Variants in PARN observed in about 807,000 individuals in gnomAD.
PARN encodes poly(A)-specific ribonuclease.
A neutral mutation model predicts 102.8 loss-of-function variants in PARN; 71 were observed. The observed-to-expected ratio is 0.69, with a 90% CI of 0.57 to 0.84. PARN has a LOEUF of 0.84. Among genes scored for constraint, PARN ranks in the 40% least tolerant of loss-of-function variants. PARN has a pLI of 0.00. For synonymous variants in PARN, 261 were observed against 252.9 expected, an observed-to-expected ratio of 1.03 and a Z score of -0.30; for missense variants, 782 against 760.9, an observed-to-expected ratio of 1.03 and a Z score of -0.33.
intron 22 of PARN, among the ~76,000 whole-genome samples, chr16:14,473,053 G>A (rs980070359): frequency 6.6e-5 from 10 of 152,130 alleles, no homozygotes; most frequent in South Asian, 2.1e-4. Flanking sequence ...AGAAAGAGAC[G>A]GAAGGCAGAA....
intron 21 of PARN, among the ~76,000 whole-genome samples, chr16:14,505,999 A>G (rs1964876944): frequency 6.6e-6 from 1 of 152,212 alleles, no homozygotes; most frequent in Non-Finnish European, 1.5e-5. Context: ...CAATGGAAAA[A>G]TCTGTGACCA....
intron 22 of PARN, among the ~76,000 whole-genome samples, chr16:14,461,428 C>T (rs945127241): frequency 2.4e-4 from 37 of 152,142 alleles, no homozygotes; most frequent in African/African-American, 8.7e-4. Flanking sequence ...TCTTCTATGC[C>T]TGGGTGAACT....
At chr16:14,591,151 G>A (rs1009235465) in intron 13 of PARN, among the ~76,000 whole-genome samples, 4 of 152,212 alleles carry the variant, frequency 2.6e-5, no homozygotes, top group African/African-American at 7.2e-5. Flanking sequence ...AGCACTCTGG[G>A]AGGCCAAGGC....
intron 23 of PARN, among the ~76,000 whole-genome samples, chr16:14,438,549 C>T (rs1253255227): frequency 1.3e-5 from 2 of 151,492 alleles, no homozygotes; most frequent in Non-Finnish European, 2.9e-5. Flanking sequence ...TGGAGTAAGG[C>T]AAGTCAAGTT....
intron 18 of PARN, among the ~76,000 whole-genome samples, chr16:14,576,699 C>A (rs1969165685): frequency 6.6e-6 from 1 of 152,202 alleles, no homozygotes; most frequent in South Asian, 2.1e-4. Flanking sequence ...AAACAGAGTG[C>A]ATTCCACACA....
chr16:14,511,823 C>G (rs1027395710), intron 21 of PARN, among the ~76,000 whole-genome samples: 1 of 152,160 alleles, frequency 6.6e-6, no homozygotes, highest in Non-Finnish European at 1.5e-5. Context: ...GCCTCAGCCT[C>G]CCAAGTAGCT....
intron 21 of PARN, among the ~76,000 whole-genome samples, chr16:14,529,148 T>C (rs756746186): frequency 2.0e-5 from 3 of 152,158 alleles, no homozygotes; most frequent in Non-Finnish European, 2.9e-5. Flanking sequence ...TCTGCCAGGC[T>C]TCTCCAGCTC....
intron 18 of PARN, among the ~76,000 whole-genome samples, chr16:14,569,223 A>AT (rs888733809): frequency 6.6e-6 from 1 of 151,862 alleles, no homozygotes; most frequent in Non-Finnish European, 1.5e-5. Context: ...ATATATACAA[A>AT]TTTAAAAAAA....
intron 17 of PARN, among the ~76,000 whole-genome samples, 172 bp from the exon 18 acceptor site, chr16:14,581,115 C>G (rs1969508466): frequency 6.6e-6 from 1 of 152,008 alleles, no homozygotes; most frequent in Non-Finnish European, 1.5e-5. Flanking sequence ...TGCAATGGCG[C>G]AATCTCGGTT....
intron 23 of PARN, among the ~76,000 whole-genome samples, chr16:14,443,329 T>C (rs1308989141): frequency 2.0e-5 from 3 of 150,868 alleles, no homozygotes; most frequent in Non-Finnish European, 2.9e-5. Flanking sequence ...AGAACAGATA[T>C]AAAGAGATTA....
chr16:14,589,311 T>C (rs1970032034), intron 13 of PARN, among the ~76,000 whole-genome samples: 2 of 152,046 alleles, frequency 1.3e-5, no homozygotes. Flanking sequence ...TCTATAATCT[T>C]AGCACTTTGG....
At chr16:14,608,682 T>C (rs948207143) in intron 8 of PARN, among the ~76,000 whole-genome samples, 15 of 152,190 alleles carry the variant, frequency 9.9e-5, no homozygotes, top group Non-Finnish European at 2.1e-4. Flanking sequence ...CTCTTTGAAA[T>C]GCTAATGTTC....
At chr16:14,456,862 C>T (rs1218173184) in intron 22 of PARN, among the ~76,000 whole-genome samples, 2 of 152,232 alleles carry the variant, frequency 1.3e-5, no homozygotes, top group Non-Finnish European at 2.9e-5. Flanking sequence ...TACCTTGTCA[C>T]ATTCATTCCT....
intron 5 of PARN, among the ~76,000 whole-genome samples, chr16:14,624,371 T>TCG (rs1478795910): frequency 6.6e-6 from 1 of 152,166 alleles, no homozygotes; most frequent in Admixed American, 6.6e-5. Context: ...ATTCCCAAAT[T>TCG]TAGAGTCTAA....
intron 21 of PARN, among the ~76,000 whole-genome samples, chr16:14,531,875 C>T (rs557449126): frequency 6.7e-6 from 1 of 149,236 alleles, no homozygotes; most frequent in East Asian, 2.0e-4. Flanking sequence ...TCAACCTGGC[C>T]AAGATAGCAA....
chr16:14,493,006 T>C (rs562346574), intron 21 of PARN, among the ~76,000 whole-genome samples: 1 of 152,280 alleles, frequency 6.6e-6, no homozygotes, highest in Non-Finnish European at 1.5e-5. Flanking sequence ...ATCACAAATA[T>C]ATAATTCAGA....
intron 21 of PARN, among the ~76,000 whole-genome samples, chr16:14,534,172 T>C (rs958504196): frequency 7.1e-6 from 1 of 141,796 alleles, no homozygotes; most frequent in Non-Finnish European, 1.5e-5. Flanking sequence ...TGAACCAAGA[T>C]CGCGCCACTG....
intron 21 of PARN, among the ~76,000 whole-genome samples, chr16:14,496,204 T>A (rs77926261): frequency 0.025 from 3,777 of 152,342 alleles, 84 homozygotes; most frequent in African/African-American, 0.054. Flanking sequence ...CCGAGCTCCC[T>A]GACCCTGACG....
At chr16:14,567,350 C>T (rs1198351786) in intron 18 of PARN, among the ~76,000 whole-genome samples, 1 of 152,166 alleles carries the variant, frequency 6.6e-6, no homozygotes, top group Non-Finnish European at 1.5e-5. Flanking sequence ...CCAAAATTTA[C>T]ACAATCCAGA....
Sources: gnomAD v4.1 joint callset for allele counts (sites outside exome capture counted in the v4.1 genomes callset) on GRCh38, gnomAD v4.1.1 for gene constraint, MANE v1.5 for transcripts, NCBI Gene and HGNC (gene_info 2026-07-23, HGNC 2026-07-21) for gene names.